Variants in FAM222A observed in about 807,000 individuals in gnomAD.
FAM222A encodes the protein family with sequence similarity 222 member A, also known as protein FAM222A.
In FAM222A, 7 loss-of-function variants were observed where a neutral mutation model predicts 25.8. That is an observed-to-expected ratio of 0.27 (90% CI 0.15 to 0.51). The LOEUF (loss-of-function observed/expected upper bound fraction) is 0.51, where lower values mean the gene tolerates loss of function less well. Ranked by LOEUF, FAM222A falls within the 20% of genes least tolerant of loss-of-function variation. FAM222A has a pLI of 0.97. For synonymous variants in FAM222A, 294 were observed against 298.8 expected, an observed-to-expected ratio of 0.98 and a Z score of 0.17; for missense variants, 573 against 640.5, an observed-to-expected ratio of 0.89 and a Z score of 1.14.
rs1252077778 is a variant in FAM222A at position 109,713,828 on chromosome 12, C to T, written c.-1116C>T. Among the ~76,000 whole-genome samples, 2 of 150,846 alleles carry T rather than the reference C, an allele frequency of 1.3e-5. No homozygotes were observed. The highest frequency in any genetic ancestry group is 3.0e-5 in the Non-Finnish European group (2 of 67,510). On this transcript the variant is annotated 5_prime_UTR_variant, in exon 1 of 3. Transcript: ENST00000538780. ...GCTGCCGGCGCTCGCGCCTGTCAGT[C>T]GGGCCAGAGCGGAGCAGCGGGCAGG...
intron 1 of FAM222A, chr12:109,722,472 T>C (rs576233235): frequency 1.3e-5 from 2 of 152,264 alleles, no homozygotes; most frequent in South Asian, 4.1e-4. Context: ...CCAAGAAGTA[T>C]TGATTGAATG....
intron 1 of FAM222A, among the ~76,000 whole-genome samples, chr12:109,724,964 G>A (rs769687685): frequency 1.3e-5 from 2 of 152,080 alleles, no homozygotes; most frequent in African/African-American, 4.8e-5. Flanking sequence ...GTTGGCATCC[G>A]GAAACCACCG....
chr12:109,769,008 G>A lies in FAM222A; in HGVS notation c.1079G>A (p.Cys360Tyr). The A allele has an allele frequency of 6.3e-7, 1 of 1,579,860 alleles. No homozygotes were observed. Among genetic ancestry groups the A allele is most frequent in the Non-Finnish European group, 8.6e-7 (1 of 1,165,494 alleles). ...NSVLVTPTSD[C>Y]YNPAAAVVVT... is the part of the protein sequence containing the mutation. ...GTGCTGGTGACACCCACCAGCGACT[G>A]CTACAACCCAGCGGCGGCGGTGGTG... The change falls in exon 3 of 3, where the codon TGC (cysteine) becomes TAC (tyrosine). Residue 360 changes from cysteine (C) to tyrosine (Y), a missense_variant. This residue lies in a region of FAM222A where 412 missense variants were observed against 407.0 expected (regional missense o/e 1.01). Transcript: ENST00000538780.
At chr12:109,754,863 G>A (rs1438767280) in intron 2 of FAM222A, among the ~76,000 whole-genome samples, 2 of 151,946 alleles carry the variant, frequency 1.3e-5, no homozygotes, top group South Asian at 4.2e-4. Context: ...GTAGGGATGG[G>A]GTCTCACTAT....
intron 1 of FAM222A, among the ~76,000 whole-genome samples, chr12:109,738,912 C>G (rs1888156753): frequency 6.6e-6 from 1 of 152,250 alleles, no homozygotes; most frequent in Non-Finnish European, 1.5e-5. Flanking sequence ...CCAGGTCACC[C>G]AGCCAGTGAG....
intron 1 of FAM222A, chr12:109,734,150 G>A (rs1236044195): frequency 1.3e-5 from 2 of 150,698 alleles, no homozygotes; most frequent in African/African-American, 4.9e-5. Context: ...GGGAGCTGCA[G>A]TGAGCCATGA....
chr12:109,714,230 C>A lies in FAM222A; in HGVS notation c.-714C>A. On this transcript the variant is annotated 5_prime_UTR_variant, in exon 1 of 3. In the 5' UTR this introduces an upstream ATG that the reference lacks. Transcript: ENST00000538780. This position sits in a 1 kb window ranked among gnomAD's most constrained non-coding sequence, Gnocchi z 4.2. ...GCCGCCGCCGCCGCTGCCGCCGCCG[C>A]TGTTCGCCGGCTTCCCCTCCCCCCA... is the stretch of plus-strand genomic sequence containing the variant. 1 of 209,788 alleles carries A rather than the reference C, an allele frequency of 4.8e-6. No homozygotes were observed. The highest frequency in any genetic ancestry group is 5.6e-5 in the South Asian group (1 of 17,814). 13.0% of individuals were successfully genotyped at this position (209,788 alleles called of 1,614,324 possible).
chr12:109,765,176 C>T (rs1345586017), intron 2 of FAM222A, among the ~76,000 whole-genome samples: 4 of 152,378 alleles, frequency 2.6e-5, no homozygotes, highest in Admixed American at 2.0e-4. Context: ...CAGTGCCCCA[C>T]GTCGGGGCCT....
At chr12:109,719,249 A>G (rs1032124137) in intron 1 of FAM222A, among the ~76,000 whole-genome samples, 1 of 152,132 alleles carries the variant, frequency 6.6e-6, no homozygotes, top group African/African-American at 2.4e-5. Context: ...TACCACCCCC[A>G]TTTTGCTGAG....
chr12:109,731,260 A>G (rs889667916), intron 1 of FAM222A, among the ~76,000 whole-genome samples: 4 of 152,008 alleles, frequency 2.6e-5, no homozygotes, highest in Non-Finnish European at 4.4e-5. Context: ...GGGTAACTCA[A>G]CTGGCTGCAG....
At chr12:109,723,011 G>C (rs1321876998) in intron 1 of FAM222A, among the ~76,000 whole-genome samples, 2 of 141,802 alleles carry the variant, frequency 1.4e-5, no homozygotes, top group East Asian at 2.4e-4. Flanking sequence ...GTGGGGGGGG[G>C]AGGGGGTATC....
chr12:109,720,945 C>T (rs1252116549), intron 1 of FAM222A, among the ~76,000 whole-genome samples: 1 of 152,166 alleles, frequency 6.6e-6, no homozygotes, highest in East Asian at 1.9e-4. Flanking sequence ...GAGGTGGAAA[C>T]AATTACTTCT....
intron 2 of FAM222A, among the ~76,000 whole-genome samples, chr12:109,761,316 G>A (rs762392459): frequency 2.0e-5 from 3 of 152,104 alleles, no homozygotes; most frequent in Admixed American, 6.5e-5. Context: ...AAGGGTCCAC[G>A]GGAGTACGAG....
At chr12:109,736,499 T>C (rs573419571) in intron 1 of FAM222A, among the ~76,000 whole-genome samples, 2 of 152,288 alleles carry the variant, frequency 1.3e-5, no homozygotes, top group African/African-American at 4.8e-5. Context: ...GGACAGACAC[T>C]GTCGCTCTGC....
Position 109,760,599 on chromosome 12 carries a change from G to A in FAM222A, c.83-7413G>A, listed in dbSNP as rs377497245. Among the ~76,000 whole-genome samples the A allele has an allele frequency of 3.0e-5, 4 of 131,664 alleles. No homozygotes were observed. The East Asian group carries it at 6.3e-4, about 21-fold the overall frequency. The allele number at this position is 131,664 out of a possible 152,430, so 86.4% of individuals were successfully genotyped here. A position where few individuals can be genotyped will look rare whatever the true frequency, so the allele number is the denominator to read the frequency against. ...TTAAATGTGAACATTCTCTGGTCAG[G>A]ACACACCCTCCCTGCCCACCTCAGT... On this transcript the variant is annotated intron_variant, in intron 2 of 2. Transcript: ENST00000538780.
chr12:109,722,673 TG>T (rs1887765883), intron 1 of FAM222A: 1 of 152,296 alleles, frequency 6.6e-6, no homozygotes, highest in East Asian at 1.9e-4. Context: ...CCTACCCTGC[TG>T]CCTGTCCCCA....
At chr12:109,746,334 C>T (rs953030164) in intron 2 of FAM222A, among the ~76,000 whole-genome samples, 14 of 152,036 alleles carry the variant, frequency 9.2e-5, no homozygotes, top group Middle Eastern at 6.8e-3. Context: ...ACTAAAAATA[C>T]AAAAATTATC....
chr12:109,742,550 G>T (rs188724995), intron 1 of FAM222A, among the ~76,000 whole-genome samples: 1 of 151,968 alleles, frequency 6.6e-6, no homozygotes, highest in Non-Finnish European at 1.5e-5. Context: ...TGGCGATTGG[G>T]GAGGGGGCGG....
intron 2 of FAM222A, among the ~76,000 whole-genome samples, chr12:109,765,564 C>T (rs1445723070): frequency 6.6e-6 from 1 of 152,230 alleles, no homozygotes; most frequent in African/African-American, 2.4e-5. Flanking sequence ...TTCACCTCTT[C>T]TACCAGTGGC....
Sources: allele counts gnomAD v4.1 joint callset (sites outside exome capture counted in the v4.1 genomes callset), GRCh38; gene constraint gnomAD v4.1.1; regional missense constraint gnomAD v4.1.1; non-coding constraint Gnocchi (gnomAD v3.1); transcripts MANE v1.5; gene names NCBI Gene and HGNC (gene_info 2026-07-23, HGNC 2026-07-21).